Variants in CNTNAP4 observed in about 807,000 individuals in gnomAD.
CNTNAP4 encodes contactin associated protein family member 4.
A neutral mutation model predicts 148.4 loss-of-function variants in CNTNAP4; 98 were observed. That is an observed-to-expected ratio of 0.66 (90% CI 0.56 to 0.78). The LOEUF (loss-of-function observed/expected upper bound fraction) is 0.78. Among genes scored for constraint, CNTNAP4 ranks in the 30% least tolerant of loss-of-function variants. CNTNAP4 has a pLI of 0.00. For synonymous variants in CNTNAP4, 730 were observed against 565.1 expected, an observed-to-expected ratio of 1.29 and a Z score of -4.14; for missense variants, 1,935 against 1,565.6, an observed-to-expected ratio of 1.24 and a Z score of -3.98.
chr16:76,521,954 C>A, intron 16 of CNTNAP4, 85 bp from the exon 17 acceptor site: 1 of 1,190,632 alleles, frequency 8.4e-7, no homozygotes, highest in Non-Finnish European at 1.3e-6. Flanking sequence ...GATTGTTACG[C>A]TGTAGTGTGT....
chr16:76,436,306 C>T (rs1414938557), intron 4 of CNTNAP4, among the ~76,000 whole-genome samples: 1 of 152,128 alleles, frequency 6.6e-6, no homozygotes, highest in Non-Finnish European at 1.5e-5. Flanking sequence ...TTTACAAGGT[C>T]AGTGTCCCCA....
chr16:76,445,712 C>T (rs2143107648), intron 4 of CNTNAP4, among the ~76,000 whole-genome samples: 1 of 152,136 alleles, frequency 6.6e-6, no homozygotes, highest in East Asian at 1.9e-4. Flanking sequence ...GTACTAGTAG[C>T]TAAAGTAACA....
intron 8 of CNTNAP4, among the ~76,000 whole-genome samples, chr16:76,455,202 A>G (rs1463503942): frequency 2.0e-5 from 3 of 152,238 alleles, no homozygotes; most frequent in South Asian, 4.1e-4. Flanking sequence ...GCAAAAATCA[A>G]TGAGCAGTAC....
At position 76,355,222 on chromosome 16, in the gene CNTNAP4, T is replaced by G. The variant is rs1056402721; in HGVS notation, c.197-96T>G. 4 of 808,416 alleles carry G rather than the reference T, an allele frequency of 4.9e-6. No individual in the cohort carries two copies. The African/African-American group carries it at 7.1e-5, about 14-fold the overall frequency. The allele number at this position is 808,416 out of a possible 1,614,324, so 50.1% of individuals were successfully genotyped here. ...TCATATTTTGGATATTTAAGTTCCA[T>G]AGAGGAATACAGTCGTACTGGCATT... On this transcript the variant is annotated intron_variant, in intron 2 of 23. Transcript: ENST00000611870.
chr16:76,378,558 C>T (rs1402286134), intron 3 of CNTNAP4, among the ~76,000 whole-genome samples: 2 of 152,166 alleles, frequency 1.3e-5, no homozygotes, highest in Admixed American at 6.5e-5. Context: ...CATGGAAGTT[C>T]TGGGTTTAGA....
intron 3 of CNTNAP4, among the ~76,000 whole-genome samples, chr16:76,359,485 A>C (rs991607735): frequency 6.7e-6 from 1 of 149,764 alleles, no homozygotes; most frequent in Non-Finnish European, 1.5e-5. Flanking sequence ...TGACTTCTAC[A>C]TACCTGAAAT....
At chr16:76,347,100 T>C (rs1471094545) in intron 2 of CNTNAP4, among the ~76,000 whole-genome samples, 1 of 151,752 alleles carries the variant, frequency 6.6e-6, no homozygotes, top group Non-Finnish European at 1.5e-5. Flanking sequence ...AAATGTAGTT[T>C]ACAAATGATT....
At chr16:76,395,084 A>G (rs2078150575) in intron 3 of CNTNAP4, among the ~76,000 whole-genome samples, 1 of 152,166 alleles carries the variant, frequency 6.6e-6, no homozygotes, top group Admixed American at 6.5e-5. Flanking sequence ...CTGATGGCAA[A>G]ACGTGACTCT....
chr16:76,333,279 G>C (rs779188323), intron 2 of CNTNAP4, among the ~76,000 whole-genome samples: 17 of 152,046 alleles, frequency 1.1e-4, no homozygotes, highest in African/African-American at 4.1e-4. Flanking sequence ...TGTGTCTCTT[G>C]TATGTACTAC....
chr16:76,427,542 G>A lies in CNTNAP4; in HGVS notation c.481G>A (p.Glu161Lys), dbSNP rs143711679. ...KARFLRFIPL[E>K]WNPKGRIGMR... ...CAGATTTCTGCGCTTCATCCCTTTG[G>A]AATGGAACCCCAAGGGCAGAATTGG... The change falls in exon 4 of 24, where the codon GAA becomes AAA. Residue 161 changes from glutamate to lysine, a missense_variant. Coordinates refer to ENST00000611870, the MANE Select transcript of CNTNAP4 (RefSeq NM_033401.5). The A allele has an allele frequency of 3.5e-5, 57 of 1,612,864 alleles. 2 individuals carry two copies. Among genetic ancestry groups the A allele is most frequent in the South Asian group, 3.3e-4 (30 of 90,882 alleles).
chr16:76,295,163 C>T (rs1246878071), intron 1 of CNTNAP4, among the ~76,000 whole-genome samples: 1 of 152,052 alleles, frequency 6.6e-6, no homozygotes, highest in Admixed American at 6.5e-5. Context: ...CAGATGTGAG[C>T]AGTGGGAGTC....
intron 17 of CNTNAP4, among the ~76,000 whole-genome samples, chr16:76,526,264 C>G (rs1351930462): frequency 1.3e-5 from 2 of 151,648 alleles, no homozygotes; most frequent in Non-Finnish European, 2.9e-5. Flanking sequence ...TTTAGGGATT[C>G]AAGGAACAAG....
Position 76,461,978 on chromosome 16 carries a change from G to T in CNTNAP4, c.1356G>T (p.Gln452His). The change falls in exon 9 of 24, where the codon CAG becomes CAT. Residue 452 changes from glutamine (Q) to histidine (H), a missense_variant. Gln to His is a conservative substitution (Grantham distance 24). Transcript: ENST00000611870. ...ITAGVELNDGQWHSVSLSAKK... is the reference protein window; with the variant it reads ...ITAGVELNDGHWHSVSLSAKK... ...TAGGTGTCGAATTAAATGATGGGCAGTGGCATTCTGTCTCTTTATCTGCTA... is the reference window on the plus strand; with the variant it reads ...TAGGTGTCGAATTAAATGATGGGCATTGGCATTCTGTCTCTTTATCTGCTA... 1 of 1,613,790 alleles carries T rather than the reference G, an allele frequency of 6.2e-7. No individual in the cohort carries two copies. The highest frequency in any genetic ancestry group is 2.2e-5 in the East Asian group (1 of 44,876).
At chr16:76,404,791 G>A (rs1180333867) in intron 3 of CNTNAP4, among the ~76,000 whole-genome samples, 1 of 151,860 alleles carries the variant, frequency 6.6e-6, no homozygotes, top group African/African-American at 2.4e-5. Context: ...TATGATAATG[G>A]CTTTCTGCTA....
At chr16:76,457,779 T>G (rs1023377879) in intron 8 of CNTNAP4, among the ~76,000 whole-genome samples, 1 of 150,896 alleles carries the variant, frequency 6.6e-6, no homozygotes, top group Non-Finnish European at 1.5e-5. Context: ...TTATGTCTTA[T>G]TTATTTGTTA....
rs1489230454 is a variant in CNTNAP4, at chr16:76,535,748, A to G, written c.2959A>G (p.Thr987Ala). The G allele has an allele frequency of 1.2e-6, 2 of 1,613,926 alleles. No individual in the cohort carries two copies. The highest frequency in any genetic ancestry group is 1.7e-6 in the Non-Finnish European group (2 of 1,179,858). The change falls in exon 18 of 24, where the codon ACT becomes GCT. Residue 987 changes from threonine (T) to alanine (A), a missense_variant. Transcript: ENST00000611870. Reference protein sequence around the residue: ...ERPIGFFCDCTFSAYTGPFCS... With the variant: ...ERPIGFFCDCAFSAYTGPFCS... The stretch of plus-strand genomic sequence containing the variant: ...ACCCATTGGGTTCTTTTGTGACTGC[A>G]CTTTCTCTGCATACACAGGGCCATT...
chr16:76,514,381 A>G (rs1485751492), intron 15 of CNTNAP4, among the ~76,000 whole-genome samples: 5 of 152,242 alleles, frequency 3.3e-5, no homozygotes. Flanking sequence ...TTGAATAATT[A>G]AATACACAAG....
intron 15 of CNTNAP4, among the ~76,000 whole-genome samples, chr16:76,517,458 G>A (rs1478050315): frequency 6.6e-6 from 1 of 152,080 alleles, no homozygotes; most frequent in Non-Finnish European, 1.5e-5. Context: ...CGTATTTCTG[G>A]CTTATTTCTT....
intron 1 of CNTNAP4, among the ~76,000 whole-genome samples, chr16:76,287,418 T>C (rs372404789): frequency 1.3e-5 from 2 of 152,182 alleles, no homozygotes; most frequent in Non-Finnish European, 2.9e-5. Flanking sequence ...AATGATCACA[T>C]TGGTTTCTTG....
Sources: gnomAD v4.1 joint callset for allele counts (sites outside exome capture counted in the v4.1 genomes callset) on GRCh38, gnomAD v4.1.1 for gene constraint, MANE v1.5 for transcripts, NCBI Gene and HGNC (gene_info 2026-07-23, HGNC 2026-07-21) for gene names.